Variants in CPLANE1 observed in about 807,000 individuals in gnomAD.
The protein encoded by CPLANE1 is ciliogenesis and planar polarity effector 1.
CPLANE1 carries 263 observed loss-of-function variants against 362.5 expected under a neutral mutation model. The observed-to-expected ratio is 0.73, with a 90% CI of 0.66 to 0.80. The LOEUF is 0.80. Among genes scored for constraint, CPLANE1 ranks in the 30% least tolerant of loss-of-function variants. The pLI, the probability that CPLANE1 is intolerant of heterozygous loss-of-function variation, is 0.00. For missense variants in CPLANE1, 3,461 were observed against 3,793.4 expected, an observed-to-expected ratio of 0.91 and a Z score of 2.30; for synonymous variants, 1,212 against 1,302.6, an observed-to-expected ratio of 0.93 and a Z score of 1.50.
chr5:37,202,157 C>T (rs1484719136), intron 18 of CPLANE1, among the ~76,000 whole-genome samples: 5 of 148,976 alleles, frequency 3.4e-5, no homozygotes, highest in African/African-American at 7.6e-5. Context: ...AGTAACTTTT[C>T]CTTTTTTTTT....
chr5:37,098,409 A>C, the CPLANE1 span, among the ~76,000 whole-genome samples: 3 of 150,376 alleles, frequency 2.0e-5, no homozygotes, highest in South Asian at 2.1e-4. Flanking sequence ...AAAAAAAAAA[A>C]AAAAAACCAC....
At chr5:37,208,687 C>CCA (rs1561609305) in intron 16 of CPLANE1, among the ~76,000 whole-genome samples, 4 of 87,024 alleles carry the variant, frequency 4.6e-5, no homozygotes, top group Non-Finnish European at 7.6e-5. Context: ...CCCCCCCCCC[C>CCA]AAAAAAAAAA....
Position 37,171,581 on chromosome 5 carries a change from T to G in CPLANE1, c.6172-1250A>C, listed in dbSNP as rs1390890551. ...ATTTGCATTTGATAGAACAAACCAA[T>G]AGGGAAATAGTGCAGGTTTTAAAAA... On this transcript the variant is annotated intron_variant, in intron 32 of 52. Coordinates refer to ENST00000651892, the MANE Select transcript of CPLANE1 (RefSeq NM_001384732.1). Among the ~76,000 whole-genome samples, 3 of 152,260 alleles carry G rather than the reference T, an allele frequency of 2.0e-5. No homozygotes were observed. The East Asian group carries it at 5.8e-4, about 29-fold the overall frequency.
rs1561272294 is a variant in CPLANE1 at position 37,107,769 on chromosome 5, GAGAC to G, written c.9585_9588del (p.Leu3195PhefsTer76). 1.2e-6 allele frequency: 2 copies of G among 1,606,116 alleles called. No individual in the cohort carries two copies. The highest frequency in any genetic ancestry group is 3.4e-5 in the Admixed American group (2 of 59,014). ...TGCTCTGGCTCTTCCTCTTCAGTTG[GAGAC>G]AAGTCCTATTAAATTGAAAAGACAA... On this transcript the variant is annotated frameshift_variant, in exon 53 of 53. Coordinates refer to ENST00000651892, the MANE Select transcript of CPLANE1 (RefSeq NM_001384732.1). LOFTEE classifies it low-confidence loss of function (END_TRUNC).
the CPLANE1 span, among the ~76,000 whole-genome samples, chr5:37,078,038 C>T: frequency 6.6e-6 from 1 of 152,202 alleles, no homozygotes; most frequent in Non-Finnish European, 1.5e-5. Context: ...GTAGAAACCA[C>T]TAAAAAACAA....
intron 42 of CPLANE1, among the ~76,000 whole-genome samples, chr5:37,148,762 C>A (rs1361011559): frequency 6.6e-6 from 1 of 151,894 alleles, no homozygotes; most frequent in Non-Finnish European, 1.5e-5. Context: ...TAAAAATATA[C>A]CAAACCTGCT....
chr5:37,215,902 G>A (rs1793957396), intron 15 of CPLANE1, among the ~76,000 whole-genome samples: 1 of 151,856 alleles, frequency 6.6e-6, no homozygotes, highest in South Asian at 2.1e-4. Context: ...CACATTCTCA[G>A]CTCACTGCAA....
At chr5:37,171,409 T>C (rs2150971043) in intron 32 of CPLANE1, among the ~76,000 whole-genome samples, 1 of 152,296 alleles carries the variant, frequency 6.6e-6, no homozygotes. Context: ...GATAGGGATC[T>C]GAGAATTTGT....
Position 37,157,342 on chromosome 5 carries a change from G to A in CPLANE1, c.8090C>T (p.Pro2697Leu). 1 of 1,381,498 alleles carries A rather than the reference G, an allele frequency of 7.2e-7. No individual in the cohort carries two copies. The highest frequency in any genetic ancestry group is 9.6e-7 in the Non-Finnish European group (1 of 1,041,412). 85.6% of individuals were successfully genotyped at this position (1,381,498 alleles called of 1,614,324 possible). A position where few individuals can be genotyped will look rare whatever the true frequency, so the allele number is the denominator to read the frequency against. The change falls in exon 41 of 53, where the codon CCT (proline) becomes CTT (leucine). Residue 2697 changes from proline to leucine, a missense_variant. Coordinates refer to ENST00000651892, the MANE Select transcript of CPLANE1 (RefSeq NM_001384732.1). ...TEVKEPSVTS[P>L]TPSDIQQNKG... ...GTTCTGCTGTATGTCTGATGGTGTA[G>A]GTGAGGTGACACTAGGCTCCTTCAC...
rs916883803 is a variant in CPLANE1 at position 37,232,859 on chromosome 5, A to G, written c.939-1810T>C. Among the ~76,000 whole-genome samples the G allele has an allele frequency of 9.4e-4, 141 of 150,568 alleles. 1 individual carries two copies. Among genetic ancestry groups the G allele is most frequent in the African/African-American group, 3.1e-3 (127 of 41,146 alleles). On this transcript the variant is annotated intron_variant, in intron 8 of 52. Coordinates refer to ENST00000651892, the MANE Select transcript of CPLANE1 (RefSeq NM_001384732.1). Reference sequence around the variant, plus strand: ...TGTTGCAAAAAAAAAAAAAAAAAAAAAAAGAAAGACACTCAGCTCAAGATA... The same window carrying G: ...TGTTGCAAAAAAAAAAAAAAAAAAAGAAAGAAAGACACTCAGCTCAAGATA...
chr5:37,095,418 T>C, the CPLANE1 span, among the ~76,000 whole-genome samples: 4,985 of 152,230 alleles, frequency 0.033, 288 homozygotes, highest in African/African-American at 0.11. Flanking sequence ...AAAATCGGCA[T>C]ACAAGGGACA....
intron 15 of CPLANE1, among the ~76,000 whole-genome samples, chr5:37,214,140 T>C (rs1162435581): frequency 6.6e-6 from 1 of 152,132 alleles, no homozygotes; most frequent in Non-Finnish European, 1.5e-5. Flanking sequence ...TTTAGTACCA[T>C]AAAATACATA....
chr5:37,212,487 G>C, intron 16 of CPLANE1: 1 of 558,230 alleles, frequency 1.8e-6, no homozygotes, highest in Non-Finnish European at 3.3e-6. Context: ...GAATAAAAAT[G>C]TGTAATCCAA....
At chr5:37,135,162 A>G (rs999474359) in intron 46 of CPLANE1, among the ~76,000 whole-genome samples, 2 of 152,066 alleles carry the variant, frequency 1.3e-5, no homozygotes, top group African/African-American at 4.8e-5. Flanking sequence ...CTTCGTTTTC[A>G]TTTATTTCAA....
chr5:37,200,645 A>C lies in CPLANE1; in HGVS notation c.3507+946T>G, dbSNP rs146006662. Among the ~76,000 whole-genome samples, 547 of 152,298 alleles carry C rather than the reference A, an allele frequency of 3.6e-3. 2 individuals are homozygous for C. The highest frequency in any genetic ancestry group is 0.012 in the African/African-American group (515 of 41,566). On this transcript the variant is annotated intron_variant, in intron 19 of 52. Transcript: ENST00000651892. ...TGTTAATCAAATACTTAAAAGTCTAAATGTAAGTAATTTATAATAACACTT... is the reference window on the plus strand; with the variant it reads ...TGTTAATCAAATACTTAAAAGTCTACATGTAAGTAATTTATAATAACACTT...
chr5:37,245,403 G>A (rs1739317641), intron 4 of CPLANE1, 76 bp downstream of exon 4: 4 of 1,193,844 alleles, frequency 3.4e-6, no homozygotes, highest in Non-Finnish European at 2.1e-6. Flanking sequence ...TTTCAAGACA[G>A]TAACAGAAAA....
At chr5:37,135,623 A>T (rs1372904776) in intron 46 of CPLANE1, among the ~76,000 whole-genome samples, 4 of 152,088 alleles carry the variant, frequency 2.6e-5, no homozygotes, top group African/African-American at 4.8e-5. Flanking sequence ...TCACAAGGTC[A>T]GCAGATTGAG....
intron 47 of CPLANE1, among the ~76,000 whole-genome samples, chr5:37,123,194 A>T (rs2150109935): frequency 6.6e-6 from 1 of 152,362 alleles, no homozygotes; most frequent in South Asian, 2.1e-4. Context: ...TCTTCAAGTT[A>T]TACACCAGAA....
At chr5:37,245,989 TA>T in intron 2 of CPLANE1, 144 bp from the exon 3 acceptor site, 1 of 799,608 alleles carries the variant, frequency 1.3e-6, no homozygotes, top group Non-Finnish European at 1.8e-6. Context: ...ACATTAAGCT[TA>T]ATACTCTATA....
Sources: gnomAD v4.1 joint callset for allele counts (sites outside exome capture counted in the v4.1 genomes callset) on GRCh38, gnomAD v4.1.1 for gene constraint, MANE v1.5 for transcripts, NCBI Gene and HGNC (gene_info 2026-07-23, HGNC 2026-07-21) for gene names.